Variants in LRRTM4 observed in about 807,000 individuals in gnomAD.
LRRTM4 encodes the protein leucine rich repeat transmembrane neuronal 4.
LRRTM4 carries 25 observed loss-of-function variants against 47.6 expected under a neutral mutation model. That is an observed-to-expected ratio of 0.53 (90% CI 0.38 to 0.73). The LOEUF (loss-of-function observed/expected upper bound fraction) is 0.73, where lower values mean the gene tolerates loss of function less well. Ranked by LOEUF, LRRTM4 falls within the 30% of genes least tolerant of loss-of-function variation. LRRTM4 has a pLI of 0.00. For synonymous variants in LRRTM4, 311 were observed against 269.5 expected, an observed-to-expected ratio of 1.15 and a Z score of -1.51; for missense variants, 638 against 713.4, an observed-to-expected ratio of 0.89 and a Z score of 1.20.
intron 3 of LRRTM4, among the ~76,000 whole-genome samples, chr2:77,091,245 AT>A (rs200809309): frequency 0.041 from 6,195 of 149,820 alleles, 65 homozygotes; most frequent in South Asian, 0.074. Context: ...CTCCTCTTGT[AT>A]CCCCCCACCT....
At chr2:76,784,421 A>G (rs773833747) in intron 3 of LRRTM4, among the ~76,000 whole-genome samples, 1 of 152,070 alleles carries the variant, frequency 6.6e-6, no homozygotes, top group Non-Finnish European at 1.5e-5. Flanking sequence ...TACCATTAAA[A>G]TAATTTGAAC....
chr2:77,286,410 A>T (rs1676660507), intron 3 of LRRTM4, among the ~76,000 whole-genome samples: 1 of 151,966 alleles, frequency 6.6e-6, no homozygotes, highest in Non-Finnish European at 1.5e-5. Flanking sequence ...ATTAATAATC[A>T]TACTCTTTAA....
At chr2:77,234,761 C>T (rs6740940) in intron 3 of LRRTM4, among the ~76,000 whole-genome samples, 99,500 of 151,780 alleles carry the variant, frequency 0.66, 32,754 homozygotes, top group African/African-American at 0.73. Context: ...TTTCTAACTT[C>T]TAAAAAATTT....
At chr2:77,248,233 G>A (rs1416351966) in intron 3 of LRRTM4, among the ~76,000 whole-genome samples, 3 of 151,604 alleles carry the variant, frequency 2.0e-5, no homozygotes, top group Non-Finnish European at 2.9e-5. Flanking sequence ...GTGAGTATAT[G>A]TGTGTTTGTA....
At chr2:77,366,284 G>A (rs1395394836) in intron 3 of LRRTM4, among the ~76,000 whole-genome samples, 3 of 151,688 alleles carry the variant, frequency 2.0e-5, no homozygotes, top group African/African-American at 4.8e-5. Flanking sequence ...AACTTAACCC[G>A]ATTGACCACT....
chr2:77,207,372 T>TATATATATATATATATATACAC (rs59335400), intron 3 of LRRTM4, among the ~76,000 whole-genome samples: 15 of 131,076 alleles, frequency 1.1e-4, no homozygotes, highest in South Asian at 7.5e-4. Context: ...TATATATATA[T>TATATATATATATATATATACAC]ACACACACAC....
At chr2:77,091,089 G>A (rs1247536223) in intron 3 of LRRTM4, among the ~76,000 whole-genome samples, 4 of 151,954 alleles carry the variant, frequency 2.6e-5, no homozygotes, top group Non-Finnish European at 5.9e-5. Flanking sequence ...ACTCTTATAA[G>A]CACTCCTTTT....
At chr2:77,349,886 TATA>T (rs1248993090) in intron 3 of LRRTM4, among the ~76,000 whole-genome samples, 1 of 152,098 alleles carries the variant, frequency 6.6e-6, no homozygotes, top group African/African-American at 2.4e-5. Flanking sequence ...GCTAGGAGAA[TATA>T]ATATTATACC....
intron 3 of LRRTM4, among the ~76,000 whole-genome samples, chr2:77,268,246 G>T (rs774129793): frequency 2.0e-5 from 3 of 151,998 alleles, no homozygotes; most frequent in South Asian, 4.1e-4. Context: ...AATACCCATC[G>T]TATTCCCCTC....
At chr2:77,321,057 G>A (rs920543454) in intron 3 of LRRTM4, among the ~76,000 whole-genome samples, 2 of 151,898 alleles carry the variant, frequency 1.3e-5, no homozygotes, top group African/African-American at 2.4e-5. Flanking sequence ...CTTATTTCTG[G>A]TTAGTTTTAT....
At chr2:77,500,672 G>A (rs1678540219) in intron 3 of LRRTM4, among the ~76,000 whole-genome samples, 1 of 151,404 alleles carries the variant, frequency 6.6e-6, no homozygotes, top group African/African-American at 2.4e-5. Flanking sequence ...GAAAGATTTA[G>A]AATTTAAAAG....
At chr2:76,929,596 T>C (rs540082085) in intron 3 of LRRTM4, among the ~76,000 whole-genome samples, 79 of 152,278 alleles carry the variant, frequency 5.2e-4, no homozygotes, top group Non-Finnish European at 9.1e-4. Context: ...AATATCCTAC[T>C]ACAGACTTTA....
At chr2:77,101,251 G>A (rs1298897444) in intron 3 of LRRTM4, among the ~76,000 whole-genome samples, 1 of 152,004 alleles carries the variant, frequency 6.6e-6, no homozygotes, top group Admixed American at 6.5e-5. Flanking sequence ...TAATTTATAG[G>A]GTTGGTAAAT....
chr2:77,104,208 T>G (rs1671033570), intron 3 of LRRTM4, among the ~76,000 whole-genome samples: 1 of 152,202 alleles, frequency 6.6e-6, no homozygotes, highest in Non-Finnish European at 1.5e-5. Flanking sequence ...CCTTTATCTT[T>G]GAGTCTGTGT....
intron 3 of LRRTM4, among the ~76,000 whole-genome samples, chr2:77,367,777 C>T (rs964912644): frequency 6.6e-6 from 1 of 151,888 alleles, no homozygotes; most frequent in Admixed American, 6.6e-5. Context: ...TTGAGAGAGG[C>T]TCATCCATTC....
chr2:77,354,312 G>C (rs1329220646), intron 3 of LRRTM4, among the ~76,000 whole-genome samples: 1 of 152,038 alleles, frequency 6.6e-6, no homozygotes. Context: ...CAGGCTAGGA[G>C]TGAAGGGATG....
chr2:77,146,380 T>G (rs1436475837), intron 3 of LRRTM4, among the ~76,000 whole-genome samples: 3 of 152,180 alleles, frequency 2.0e-5, no homozygotes, highest in African/African-American at 7.2e-5. Flanking sequence ...ATTACTTTCC[T>G]TATCTTTAGT....
intron 3 of LRRTM4, among the ~76,000 whole-genome samples, chr2:77,031,124 T>A (rs1434884445): frequency 1.3e-5 from 2 of 152,168 alleles, no homozygotes; most frequent in Non-Finnish European, 2.9e-5. Flanking sequence ...TTTACAGATA[T>A]TATAATTTTT....
intron 3 of LRRTM4, among the ~76,000 whole-genome samples, chr2:77,364,947 A>G (rs546885966): frequency 2.0e-5 from 3 of 149,056 alleles, no homozygotes; most frequent in South Asian, 4.1e-4. Context: ...AAAACTTCCA[A>G]AACAAACATT....
Sources: gnomAD v4.1 joint callset for allele counts (sites outside exome capture counted in the v4.1 genomes callset) on GRCh38, gnomAD v4.1.1 for gene constraint, MANE v1.5 for transcripts, NCBI Gene and HGNC (gene_info 2026-07-23, HGNC 2026-07-21) for gene names.